RSBN1: variants seen among roughly 807,000 people sequenced by gnomAD.
The protein encoded by RSBN1 is lysine-specific demethylase 9.
RSBN1 carries 23 observed loss-of-function variants against 74.8 expected under a neutral mutation model. The observed-to-expected ratio is 0.31, with a 90% CI of 0.22 to 0.44. The LOEUF (loss-of-function observed/expected upper bound fraction) is 0.44. RSBN1 is among the 20% of genes least tolerant of loss of function. RSBN1 has a pLI of 1.00. For missense variants in RSBN1, 808 were observed against 1,020.9 expected (o/e 0.79, Z 2.84); for synonymous variants, 407 against 379.6 (o/e 1.07, Z -0.84).
rs1234482219 is a variant in RSBN1, at chr1:113,797,743, C to T, written c.997G>A (p.Val333Ile). 6.2e-7 allele frequency: 1 copy of T among 1,614,104 alleles called. No homozygotes were observed. Among genetic ancestry groups the T allele is most frequent in the Non-Finnish European group, 8.5e-7 (1 of 1,180,000 alleles). The change falls in exon 2 of 7, where the codon GTA (valine) becomes ATA (isoleucine). Residue 333 changes from valine (V) to isoleucine (I), a missense_variant. Physicochemically the swap from Val to Ile is conservative, Grantham distance 29 (BLOSUM62 3). Around this residue, in one of 6 missense-constraint regions of RSBN1, gnomAD observed 85 missense variants for 126.2 expected, o/e 0.67. Transcript: ENST00000261441. ...GMQEYRVPQG[V>I]QTPFMTHQEH... ...TGGTGAGTCATAAAAGGTGTTTGTA[C>T]TCCCTGGGGTACCCGATATTCTTGC...
At chr1:113,767,550 G>C (rs937800624) in intron 5 of RSBN1, among the ~76,000 whole-genome samples, 3 of 152,106 alleles carry the variant, frequency 2.0e-5, no homozygotes, top group African/African-American at 7.2e-5. Flanking sequence ...AGCCACTGTG[G>C]ACAACAGTCT....
intron 1 of RSBN1, among the ~76,000 whole-genome samples, chr1:113,800,709 T>C (rs1032290154): frequency 2.6e-5 from 4 of 152,056 alleles, no homozygotes; most frequent in Non-Finnish European, 5.9e-5. Flanking sequence ...TGTAACACAT[T>C]TTCTGTATTA....
chr1:113,777,419 C>A (rs1660053769), intron 3 of RSBN1, 67 bp from the exon 4 acceptor site: 1 of 1,488,886 alleles, frequency 6.7e-7, no homozygotes. Context: ...ATCCTCCCAC[C>A]CAAATAAAAG....
intron 1 of RSBN1, among the ~76,000 whole-genome samples, chr1:113,803,716 A>T (rs1660637566): frequency 6.9e-6 from 1 of 145,192 alleles, no homozygotes; most frequent in Non-Finnish European, 1.5e-5. Context: ...CTGTACTGTT[A>T]GATAGACCTA....
rs771352395 is a variant in RSBN1, at chr1:113,812,282, A to G, written c.131T>C (p.Val44Ala). ...CTGCGCAGCCATTTCACCCACAAAC[A>G]CACATTTAAATGGCCCGACCGCCCC... Reference protein sequence around the residue: ...DGGAVGPFKCVFVGEMAAQVG... With the variant: ...DGGAVGPFKCAFVGEMAAQVG... Residue 44 changes from valine to alanine, a missense_variant, in exon 1 of 7, where the codon GTG becomes GCG. Coordinates refer to ENST00000261441, the MANE Select transcript of RSBN1 (RefSeq NM_018364.5). 1.9e-6 allele frequency: 3 copies of G among 1,604,996 alleles called. No homozygotes were observed. The highest frequency in any genetic ancestry group is 1.1e-5 in the South Asian group (1 of 91,070).
chr1:113,810,788 T>C (rs1165152907), intron 1 of RSBN1, among the ~76,000 whole-genome samples: 3 of 152,166 alleles, frequency 2.0e-5, no homozygotes, highest in African/African-American at 7.2e-5. Context: ...TAGTAAATTA[T>C]ATAAAATAAT....
chr1:113,789,027 T>C (rs1266636712), intron 2 of RSBN1, among the ~76,000 whole-genome samples: 1 of 152,206 alleles, frequency 6.6e-6, no homozygotes, highest in African/African-American at 2.4e-5. Context: ...CCCTATTTCC[T>C]GAGGTAGGGC....
At chr1:113,800,096 C>A (rs1163715096) in intron 1 of RSBN1, among the ~76,000 whole-genome samples, 3 of 152,082 alleles carry the variant, frequency 2.0e-5, no homozygotes. Context: ...TATAAAATCA[C>A]TTCAAGTCAA....
chr1:113,794,742 C>G (rs1013936172), intron 2 of RSBN1, among the ~76,000 whole-genome samples: 2 of 152,164 alleles, frequency 1.3e-5, no homozygotes, highest in Non-Finnish European at 2.9e-5. Context: ...TTTCCCTATG[C>G]GTACCTCTAC....
At chr1:113,811,603 A>C in intron 1 of RSBN1, 107 bp downstream of exon 1, 1 of 1,448,508 alleles carries the variant, frequency 6.9e-7, no homozygotes, top group Non-Finnish European at 9.1e-7. Context: ...AGAGAAGTAC[A>C]GCAGCAGAAG....
In RSBN1 at chr1:113,805,039, T is replaced by C. The variant is rs1451242237; in HGVS notation, c.703+6671A>G. Among the ~76,000 whole-genome samples the C allele has an allele frequency of 3.2e-4, 48 of 152,126 alleles. 1 individual carries two copies. Among genetic ancestry groups the C allele is most frequent in the Non-Finnish European group, 1.2e-4 (8 of 67,998 alleles). On this transcript the variant is annotated intron_variant, in intron 1 of 6. Transcript: ENST00000261441. ...TTCCTTTCTTTCCTTTTTAACAACA[T>C]ATTAAAATCATGAATTTACTAAGAA...
At chr1:113,778,720 A>T (rs1405138481) in intron 2 of RSBN1, among the ~76,000 whole-genome samples, 1 of 152,178 alleles carries the variant, frequency 6.6e-6, no homozygotes, top group Non-Finnish European at 1.5e-5. Context: ...TCCATCTTTC[A>T]AAGAGCAGTT....
At chr1:113,780,627 A>G (rs1660120256) in intron 2 of RSBN1, among the ~76,000 whole-genome samples, 2 of 152,220 alleles carry the variant, frequency 1.3e-5, no homozygotes, top group South Asian at 4.1e-4. Context: ...CAACATGTTT[A>G]TTTTCATATA....
At chr1:113,810,970 G>T (rs975730372) in intron 1 of RSBN1, among the ~76,000 whole-genome samples, 2 of 152,218 alleles carry the variant, frequency 1.3e-5, no homozygotes, top group South Asian at 4.1e-4. Context: ...AAATATTCTT[G>T]AGGGCTATTG....
chr1:113,770,594 C>T (rs188833376), intron 4 of RSBN1, among the ~76,000 whole-genome samples: 111 of 152,302 alleles, frequency 7.3e-4, no homozygotes, highest in African/African-American at 2.5e-3. Flanking sequence ...TTGGGCACAT[C>T]ATTTAGTGTC....
intron 1 of RSBN1, among the ~76,000 whole-genome samples, chr1:113,798,363 C>T (rs934111288): frequency 6.6e-6 from 1 of 152,016 alleles, no homozygotes; most frequent in Non-Finnish European, 1.5e-5. Context: ...TATACGATAG[C>T]TAAATATGAT....
At chr1:113,785,386 A>G (rs1360917166) in intron 2 of RSBN1, among the ~76,000 whole-genome samples, 1 of 152,226 alleles carries the variant, frequency 6.6e-6, no homozygotes. Flanking sequence ...AAGTAGAAGT[A>G]TGTTCTAAAA....
chr1:113,791,772 G>A (rs1445704418), intron 2 of RSBN1, among the ~76,000 whole-genome samples: 1 of 151,494 alleles, frequency 6.6e-6, no homozygotes, highest in Non-Finnish European at 1.5e-5. Context: ...TATAAAACCT[G>A]CTACTTAAAA....
At chr1:113,785,007 T>G (rs896633417) in intron 2 of RSBN1, among the ~76,000 whole-genome samples, 2 of 152,178 alleles carry the variant, frequency 1.3e-5, no homozygotes, top group African/African-American at 4.8e-5. Flanking sequence ...TTTATAAACT[T>G]TATGAGTTTT....
Sources: gnomAD v4.1 joint callset for allele counts (sites outside exome capture counted in the v4.1 genomes callset) on GRCh38, gnomAD v4.1.1 for gene constraint, gnomAD v4.1.1 regional missense constraint, MANE v1.5 for transcripts, NCBI Gene and HGNC (gene_info 2026-07-23, HGNC 2026-07-21) for gene names.